GRM7: variants seen among roughly 807,000 people sequenced by gnomAD.
GRM7 encodes the protein glutamate metabotropic receptor 7, also known as metabotropic glutamate receptor 7.
GRM7 carries 35 observed loss-of-function variants against 84.5 expected under a neutral mutation model. The observed-to-expected ratio is 0.41, with a 90% CI of 0.32 to 0.55. The LOEUF (loss-of-function observed/expected upper bound fraction) is 0.55. GRM7 is among the 20% of genes least tolerant of loss of function. The pLI is 0.19. For synonymous variants in GRM7, 487 were observed against 455.1 expected (o/e 1.07, Z -0.89); for missense variants, 1,003 against 1,194.6 (o/e 0.84, Z 2.36).
chr3:7,019,011 C>G (rs573263875), intron 1 of GRM7, among the ~76,000 whole-genome samples: 1 of 152,144 alleles, frequency 6.6e-6, no homozygotes, highest in East Asian at 1.9e-4. Flanking sequence ...GCAGGAGAAA[C>G]GCTTGAACCC....
intron 1 of GRM7, among the ~76,000 whole-genome samples, chr3:7,062,086 A>G (rs938074115): frequency 1.3e-5 from 2 of 151,666 alleles, no homozygotes; most frequent in Admixed American, 6.6e-5. Flanking sequence ...TGGAGACACA[A>G]AGTAAGCCCA....
At position 7,236,166 on chromosome 3, in the gene GRM7, G is replaced by A. The variant is rs1697341896; in HGVS notation, c.737-62518G>A. ...TTATAAAGCAGAGACCTCATGACGT[G>A]ATCATCTCCCAAAAACCCCATCTAT... On this transcript the variant is annotated intron_variant, in intron 2 of 9. Transcript: ENST00000357716. Among the ~76,000 whole-genome samples the A allele has an allele frequency of 2.0e-5, 3 of 152,236 alleles. No individual in the cohort carries two copies. In the South Asian group the frequency reaches 6.2e-4, roughly 32 times the overall value.
chr3:7,261,638 G>A (rs1244431517), intron 2 of GRM7, among the ~76,000 whole-genome samples: 1 of 152,138 alleles, frequency 6.6e-6, no homozygotes, highest in Non-Finnish European at 1.5e-5. Flanking sequence ...CTGTCATTAT[G>A]TTAGCTGGTT....
intron 9 of GRM7, among the ~76,000 whole-genome samples, chr3:7,689,909 AAGACTCAAAGGTAAGTAAT>A (rs1328966739): frequency 7.9e-5 from 12 of 152,236 alleles, no homozygotes; most frequent in African/African-American, 2.6e-4. Flanking sequence ...GATCTGATGG[AAGACTCAAAGGTAAGTAAT>A]AGACTCAAAG....
At chr3:7,268,575 C>G (rs1251466034) in intron 2 of GRM7, among the ~76,000 whole-genome samples, 1 of 152,166 alleles carries the variant, frequency 6.6e-6, no homozygotes, top group Non-Finnish European at 1.5e-5. Context: ...TTTGCTACTC[C>G]AGAATCAGGG....
chr3:7,707,699 C>T (rs920247201), intron 9 of GRM7, among the ~76,000 whole-genome samples: 3 of 152,116 alleles, frequency 2.0e-5, no homozygotes, highest in Non-Finnish European at 2.9e-5. Flanking sequence ...GGCCAGATGC[C>T]TCCAAAACAG....
In GRM7 at chr3:6,908,742, A is replaced by G. The variant is rs1328872281; in HGVS notation, c.519+46835A>G. Reference sequence around the variant, plus strand: ...CAGTCTTTTTTGTTGACTCTATCCCATAAAATTTCTCAGCCACACTGTATG... The same window carrying G: ...CAGTCTTTTTTGTTGACTCTATCCCGTAAAATTTCTCAGCCACACTGTATG... On this transcript the variant is annotated intron_variant, in intron 1 of 9. Coordinates refer to ENST00000357716, the MANE Select transcript of GRM7 (RefSeq NM_000844.4). 2.6e-5 allele frequency among the ~76,000 whole-genome samples: 4 copies of G among 152,128 alleles called. No homozygotes were observed. The South Asian group carries it at 6.2e-4, about 24-fold the overall frequency.
At chr3:7,728,863 C>T (rs536692876) in intron 9 of GRM7, among the ~76,000 whole-genome samples, 4 of 152,274 alleles carry the variant, frequency 2.6e-5, no homozygotes, top group Admixed American at 1.3e-4. Flanking sequence ...TTTGCTTGTT[C>T]GTTTAGAATC....
chr3:7,269,279 C>T (rs945950098), intron 2 of GRM7, among the ~76,000 whole-genome samples: 4 of 152,176 alleles, frequency 2.6e-5, no homozygotes, highest in African/African-American at 9.7e-5. Flanking sequence ...AACAAGAAAG[C>T]CAAAGTGGTC....
chr3:7,007,223 C>T (rs551203154), intron 1 of GRM7, among the ~76,000 whole-genome samples: 1 of 152,168 alleles, frequency 6.6e-6, no homozygotes, highest in East Asian at 1.9e-4. Flanking sequence ...CAGCAAGTTC[C>T]GTTGGCCCTT....
intron 1 of GRM7, among the ~76,000 whole-genome samples, chr3:7,058,248 T>C (rs1016887024): frequency 2.0e-5 from 3 of 151,934 alleles, no homozygotes; most frequent in Non-Finnish European, 4.4e-5. Context: ...TAGAATTCCC[T>C]CTCTAAGTCA....
At chr3:6,943,507 A>G (rs1159598564) in intron 1 of GRM7, among the ~76,000 whole-genome samples, 2 of 152,044 alleles carry the variant, frequency 1.3e-5, no homozygotes, top group Admixed American at 6.6e-5. Context: ...TTGCCAGTGT[A>G]TGTATAGGTC....
chr3:7,236,047 A>C (rs1697337082), intron 2 of GRM7, among the ~76,000 whole-genome samples: 1 of 152,110 alleles, frequency 6.6e-6, no homozygotes, highest in African/African-American at 2.4e-5. Flanking sequence ...TGCTTCCAAG[A>C]TGGTGCCTTC....
intron 2 of GRM7, among the ~76,000 whole-genome samples, chr3:7,164,169 G>T (rs995301591): frequency 1.3e-5 from 2 of 152,138 alleles, no homozygotes; most frequent in Non-Finnish European, 1.5e-5. Flanking sequence ...GACCAGCCTG[G>T]CCAACATGGT....
chr3:7,339,163 G>C (rs936274644), intron 4 of GRM7, among the ~76,000 whole-genome samples: 1 of 152,064 alleles, frequency 6.6e-6, no homozygotes, highest in Non-Finnish European at 1.5e-5. Context: ...TTAAAGAAAA[G>C]CTCTAGAGAA....
intron 8 of GRM7, among the ~76,000 whole-genome samples, chr3:7,662,936 A>G (rs558852050): frequency 6.6e-6 from 1 of 152,174 alleles, no homozygotes; most frequent in African/African-American, 2.4e-5. Flanking sequence ...TGGGGAGAGG[A>G]TGTGTCTTTT....
chr3:7,006,864 T>C (rs1559380047), intron 1 of GRM7, among the ~76,000 whole-genome samples: 2 of 152,196 alleles, frequency 1.3e-5, no homozygotes, highest in African/African-American at 2.4e-5. Context: ...GAAGGAAATA[T>C]AGGGATAAAA....
At chr3:7,516,199 C>T (rs6775145) in intron 7 of GRM7, among the ~76,000 whole-genome samples, 18,837 of 137,612 alleles carry the variant, frequency 0.14, 1,427 homozygotes, top group Non-Finnish European at 0.17. Context: ...GGGCTGGGCA[C>T]GGTGGCTCAC....
chr3:7,432,349 C>G (rs1696864189), intron 5 of GRM7, among the ~76,000 whole-genome samples: 2 of 152,156 alleles, frequency 1.3e-5, no homozygotes, highest in African/African-American at 4.8e-5. Flanking sequence ...GAAACCGATT[C>G]TTGCTCTGTT....
Sources: gnomAD v4.1 joint callset for allele counts (sites outside exome capture counted in the v4.1 genomes callset) on GRCh38, gnomAD v4.1.1 for gene constraint, MANE v1.5 for transcripts, NCBI Gene and HGNC (gene_info 2026-07-23, HGNC 2026-07-21) for gene names.